The following DLG2 variants were observed in gnomAD, a reference collection of about 807,000 sequenced individuals.
DLG2 encodes the protein discs large MAGUK scaffold protein 2.
In DLG2, 45 loss-of-function variants were observed where a neutral mutation model predicts 132.5. The observed-to-expected ratio is 0.34, with a 90% CI of 0.27 to 0.44. The LOEUF (loss-of-function observed/expected upper bound fraction) is 0.44. Among genes scored for constraint, DLG2 ranks in the 20% least tolerant of loss-of-function variants. The pLI is 1.00. For synonymous variants in DLG2, 424 were observed against 419.6 expected (o/e 1.01, Z -0.13); for missense variants, 1,045 against 1,196.9 (o/e 0.87, Z 1.87).
intron 7 of DLG2, among the ~76,000 whole-genome samples, chr11:84,331,366 G>A (rs1026660908): frequency 4.7e-5 from 7 of 150,490 alleles, no homozygotes; most frequent in African/African-American, 1.7e-4. Context: ...CTATTAAATA[G>A]CAAAGCTGCA....
intron 8 of DLG2, among the ~76,000 whole-genome samples, chr11:84,194,763 C>T (rs1235715061): frequency 9.8e-5 from 15 of 152,314 alleles, no homozygotes; most frequent in African/African-American, 2.2e-4. Flanking sequence ...CTGGGACCCA[C>T]GCTGGGGCCG....
intron 7 of DLG2, among the ~76,000 whole-genome samples, chr11:84,254,714 G>A (rs1042843356): frequency 3.3e-5 from 5 of 152,236 alleles, no homozygotes; most frequent in African/African-American, 7.2e-5. Flanking sequence ...ACTCTAGGAT[G>A]TAGAGTCTGT....
chr11:85,348,657 AACTTTCCTGT>A (rs536984800), intron 3 of DLG2, among the ~76,000 whole-genome samples: 1 of 152,070 alleles, frequency 6.6e-6, no homozygotes, highest in African/African-American at 2.4e-5. Flanking sequence ...ATAGCAACCT[AACTTTCCTGT>A]ACTTTCCTTT....
intron 17 of DLG2, among the ~76,000 whole-genome samples, chr11:83,793,308 T>G: frequency 6.6e-6 from 1 of 152,168 alleles, no homozygotes; most frequent in Non-Finnish European, 1.5e-5. Flanking sequence ...TTATTTAATT[T>G]CCTTTTCTTT....
At chr11:85,325,227 G>C (rs934810832) in intron 3 of DLG2, among the ~76,000 whole-genome samples, 1 of 151,864 alleles carries the variant, frequency 6.6e-6, no homozygotes, top group Non-Finnish European at 1.5e-5. Context: ...GCTTGCTTAG[G>C]TAAACAAAGC....
At chr11:84,996,360 T>A (rs556178390) in intron 6 of DLG2, among the ~76,000 whole-genome samples, 1 of 152,236 alleles carries the variant, frequency 6.6e-6, no homozygotes, top group East Asian at 1.9e-4. Flanking sequence ...TCCTGTCATC[T>A]ATGTCTCTTA....
rs200199083 is a variant in DLG2 at position 84,102,275 on chromosome 11, G to T, written c.625-3228C>A. On this transcript the variant is annotated intron_variant, in intron 9 of 27. Transcript: ENST00000376104. ...GTCTTTCCTTTAAACTGGGCTTGTAGAAGGCAGGAACTGTGTAGTATTCAT... is the reference window on the plus strand; with the variant it reads ...GTCTTTCCTTTAAACTGGGCTTGTATAAGGCAGGAACTGTGTAGTATTCAT... Among the ~76,000 whole-genome samples the T allele has an allele frequency of 4.6e-5, 7 of 152,218 alleles. No homozygotes were observed. The East Asian group carries it at 9.7e-4, about 21-fold the overall frequency.
At chr11:83,889,419 A>C (rs894787944) in intron 15 of DLG2, among the ~76,000 whole-genome samples, 16 of 150,134 alleles carry the variant, frequency 1.1e-4, no homozygotes, top group Non-Finnish European at 2.2e-4. Flanking sequence ...ACCATCTCAC[A>C]CCAGTTAGAA....
chr11:83,510,553 C>T (rs2094953009), intron 21 of DLG2, among the ~76,000 whole-genome samples: 1 of 152,152 alleles, frequency 6.6e-6, no homozygotes, highest in African/African-American at 2.4e-5. Flanking sequence ...CCCGTTTTAG[C>T]AGGATGCATC....
intron 7 of DLG2, among the ~76,000 whole-genome samples, chr11:84,458,251 C>A (rs1313609023): frequency 6.6e-6 from 1 of 150,728 alleles, no homozygotes; most frequent in Non-Finnish European, 1.5e-5. Flanking sequence ...ATACAAAATG[C>A]TGATTTGGTT....
At chr11:85,406,189 C>A (rs2088713758) in intron 3 of DLG2, among the ~76,000 whole-genome samples, 1 of 150,986 alleles carries the variant, frequency 6.6e-6, no homozygotes, top group Non-Finnish European at 1.5e-5. Context: ...GACCATTAGA[C>A]AATTACATCC....
chr11:84,918,950 T>C (rs2092628024), intron 6 of DLG2, among the ~76,000 whole-genome samples: 1 of 152,172 alleles, frequency 6.6e-6, no homozygotes. Context: ...TTTGTGCTGA[T>C]GATATAAAGG....
At chr11:84,059,133 T>C (rs2096551266) in intron 11 of DLG2, among the ~76,000 whole-genome samples, 182 bp downstream of exon 11, 1 of 152,144 alleles carries the variant, frequency 6.6e-6, no homozygotes, top group South Asian at 2.1e-4. Context: ...TTCCTTCTTA[T>C]CTGAGTTCAT....
chr11:84,392,682 T>C (rs893969204), intron 7 of DLG2, among the ~76,000 whole-genome samples: 3 of 152,210 alleles, frequency 2.0e-5, no homozygotes, highest in African/African-American at 7.2e-5. Context: ...TCTATTATTG[T>C]TCTCATTTTA....
At chr11:85,423,766 TCACACC>T (rs1260064510) in intron 3 of DLG2, among the ~76,000 whole-genome samples, 2 of 152,162 alleles carry the variant, frequency 1.3e-5, no homozygotes, top group African/African-American at 4.8e-5. Context: ...AGGGCTGGTC[TCACACC>T]CACCATGCCC....
intron 6 of DLG2, among the ~76,000 whole-genome samples, chr11:84,561,670 G>A (rs1236256692): frequency 1.3e-5 from 2 of 152,214 alleles, no homozygotes; most frequent in East Asian, 3.9e-4. Flanking sequence ...TTGAGTGAAA[G>A]AAATTTGTTC....
chr11:84,555,622 A>G (rs1375583942), intron 6 of DLG2, among the ~76,000 whole-genome samples: 2 of 152,250 alleles, frequency 1.3e-5, no homozygotes. Flanking sequence ...TGATATTCAC[A>G]GAAACAGAAA....
chr11:83,986,329 A>G (rs1186429318), intron 11 of DLG2, among the ~76,000 whole-genome samples: 3 of 151,592 alleles, frequency 2.0e-5, no homozygotes, highest in Non-Finnish European at 4.4e-5. Flanking sequence ...TTGTTCTTGC[A>G]ATAGTTTACT....
At chr11:85,288,924 C>A (rs532766142) in intron 3 of DLG2, among the ~76,000 whole-genome samples, 11 of 152,198 alleles carry the variant, frequency 7.2e-5, no homozygotes, top group African/African-American at 2.6e-4. Context: ...TCACGCTATG[C>A]ATTTATATCA....
Sources: gnomAD v4.1 joint callset for allele counts (sites outside exome capture counted in the v4.1 genomes callset) on GRCh38, gnomAD v4.1.1 for gene constraint, MANE v1.5 for transcripts, NCBI Gene and HGNC (gene_info 2026-07-23, HGNC 2026-07-21) for gene names.